RHPN2: variants seen among roughly 807,000 people sequenced by gnomAD.
RHPN2 encodes the protein rhophilin-2.
In RHPN2, 40 loss-of-function variants were observed where a neutral mutation model predicts 79.0. That is an observed-to-expected ratio of 0.51 (90% confidence interval 0.39 to 0.66). The LOEUF (loss-of-function observed/expected upper bound fraction) is 0.66. RHPN2 is among the 30% of genes least tolerant of loss of function. The pLI, the probability that RHPN2 is intolerant of heterozygous loss-of-function variation, is 0.00. For missense variants in RHPN2, 686 were observed against 883.5 expected (o/e 0.78, Z 2.83); for synonymous variants, 285 against 363.5 (o/e 0.78, Z 2.46).
At chr19:32,982,361 C>A (rs1481436102) in intron 14 of RHPN2, among the ~76,000 whole-genome samples, 2 of 151,974 alleles carry the variant, frequency 1.3e-5, no homozygotes, top group Non-Finnish European at 2.9e-5. Context: ...GAGCCCAGAT[C>A]ACGCCACTGC....
chr19:32,998,182 G>C (rs1280569670), intron 10 of RHPN2, among the ~76,000 whole-genome samples: 1 of 152,188 alleles, frequency 6.6e-6, no homozygotes, highest in African/African-American at 2.4e-5. Flanking sequence ...GGGATGCCAC[G>C]AGACGCACCT....
At position 32,980,003 on chromosome 19, in the gene RHPN2, C is replaced by A. The variant is rs142599475; in HGVS notation, c.2054G>T (p.Trp685Leu). Residue 685 changes from tryptophan to leucine, a missense_variant, in exon 15 of 15, where the codon TGG becomes TTG. Physicochemically the swap from Trp to Leu is moderately conservative, Grantham distance 61 (BLOSUM62 -2). Transcript: ENST00000254260. ...CATGTTTGTTTCCTCACATTAGTAC[C>A]AAGAACTGTCTGAGTTGAGAAGGCT... ...PFSLLNSDSS[W>L]Y The A allele has an allele frequency of 1.2e-6, 2 of 1,613,748 alleles. No individual in the cohort carries two copies. Among genetic ancestry groups the A allele is most frequent in the Non-Finnish European group, 8.5e-7 (1 of 1,179,854 alleles).
intron 1 of RHPN2, among the ~76,000 whole-genome samples, chr19:33,049,511 C>T (rs1366151861): frequency 1.3e-5 from 2 of 152,146 alleles, no homozygotes; most frequent in African/African-American, 4.8e-5. Flanking sequence ...ACCTGTGGGG[C>T]CAACTGAGCT....
chr19:33,035,780 C>G (rs1310657267), intron 2 of RHPN2, among the ~76,000 whole-genome samples: 1 of 152,032 alleles, frequency 6.6e-6, no homozygotes, highest in Non-Finnish European at 1.5e-5. Context: ...CCAGATATCC[C>G]GATATCTGGA....
chr19:32,997,327 T>C (rs1489706262), intron 10 of RHPN2, among the ~76,000 whole-genome samples: 2 of 152,202 alleles, frequency 1.3e-5, no homozygotes, highest in African/African-American at 4.8e-5. Context: ...CCCACATTCA[T>C]GGAGTTTACA....
chr19:33,036,351 T>C (rs1196244884), intron 2 of RHPN2, among the ~76,000 whole-genome samples: 1 of 151,596 alleles, frequency 6.6e-6, no homozygotes, highest in African/African-American at 2.4e-5. Context: ...AATTTGAAAA[T>C]GAAAATTAGC....
At chr19:33,000,546 T>C (rs1275320379) in intron 9 of RHPN2, among the ~76,000 whole-genome samples, 1 of 151,936 alleles carries the variant, frequency 6.6e-6, no homozygotes, top group Non-Finnish European at 1.5e-5. Context: ...CCCCACACGC[T>C]ACCTCCTCCA....
chr19:33,028,057 A>G (rs969148955), intron 2 of RHPN2, among the ~76,000 whole-genome samples: 19 of 152,196 alleles, frequency 1.2e-4, no homozygotes, highest in African/African-American at 4.6e-4. Context: ...AGATGGCACT[A>G]TCTTATATAT....
Position 33,011,818 on chromosome 19 carries a change from AC to A in RHPN2, c.469-16del. On this transcript the variant is annotated splice_polypyrimidine_tract_variant and intron_variant, in intron 5 of 14. Transcript: ENST00000254260. ...GTCCGACAAGCCTGCAAGGAAAAGA[AC>A]CCAAGAGGGCATGAGCAGAGGAGGA... 1 of 1,613,876 alleles carries A rather than the reference AC, an allele frequency of 6.2e-7. No individual in the cohort carries two copies. The highest frequency in any genetic ancestry group is 8.5e-7 in the Non-Finnish European group (1 of 1,179,832).
At chr19:33,027,310 C>A (rs1286218823) in intron 2 of RHPN2, 3 of 119,502 alleles carry the variant, frequency 2.5e-5, no homozygotes, top group Non-Finnish European at 3.6e-5. Context: ...AATCACAGTA[C>A]ATAAATAAAT....
chr19:33,045,075 T>TG (rs1235659759), intron 1 of RHPN2, among the ~76,000 whole-genome samples: 3 of 141,954 alleles, frequency 2.1e-5, no homozygotes, highest in African/African-American at 8.2e-5. Context: ...TTTTTGGAGA[T>TG]GGAGTCTCGC....
rs186351976 is a variant in RHPN2, at chr19:33,064,216, C to T, written c.69+568G>A. Among the ~76,000 whole-genome samples the T allele has an allele frequency of 4.3e-4, 65 of 152,306 alleles. 1 individual carries two copies. In the Middle Eastern group the frequency reaches 0.017, roughly 40 times the overall value. On this transcript the variant is annotated intron_variant, in intron 1 of 14. Coordinates refer to ENST00000254260, the MANE Select transcript of RHPN2 (RefSeq NM_033103.5). ...CGTGGCGAGGTGGCGCGCCTGCAGT[C>T]CCAGTTACTCGGGAGGCTGGGGCGG... is the stretch of plus-strand genomic sequence containing the variant.
chr19:32,985,410 C>T (rs1365444385), intron 14 of RHPN2, among the ~76,000 whole-genome samples: 4 of 152,106 alleles, frequency 2.6e-5, no homozygotes, highest in Admixed American at 6.6e-5. Flanking sequence ...GCAAGGTAGG[C>T]GGATTGCTTG....
At chr19:33,047,591 T>A (rs943295542) in intron 1 of RHPN2, among the ~76,000 whole-genome samples, 4 of 152,088 alleles carry the variant, frequency 2.6e-5, no homozygotes, top group African/African-American at 9.7e-5. Context: ...GAGACTGCCC[T>A]TTCTCTCTCC....
intron 6 of RHPN2, among the ~76,000 whole-genome samples, chr19:33,010,385 GT>G (rs34076809): frequency 0.25 from 34,759 of 140,420 alleles, 4,163 homozygotes; most frequent in Non-Finnish European, 0.28. Flanking sequence ...TTTTTAGGTT[GT>G]TTTTTTTTTT....
chr19:33,058,869 G>C (rs7255601), intron 1 of RHPN2, among the ~76,000 whole-genome samples: 26,198 of 151,994 alleles, frequency 0.17, 2,864 homozygotes, highest in South Asian at 0.33. Flanking sequence ...GGCCAAGGTG[G>C]GTGGATCACT....
intron 1 of RHPN2, among the ~76,000 whole-genome samples, chr19:33,057,406 G>A (rs1972242845): frequency 6.6e-6 from 1 of 151,914 alleles, no homozygotes; most frequent in Non-Finnish European, 1.5e-5. Context: ...TAATAGACCT[G>A]AGGCTGGGCA....
intron 2 of RHPN2, among the ~76,000 whole-genome samples, chr19:33,034,637 T>C (rs1205710535): frequency 6.8e-6 from 1 of 146,076 alleles, no homozygotes; most frequent in Non-Finnish European, 1.5e-5. Context: ...AAAAGTTAGC[T>C]GGGCATGGTG....
At chr19:33,035,469 G>T (rs1972048776) in intron 2 of RHPN2, among the ~76,000 whole-genome samples, 1 of 152,142 alleles carries the variant, frequency 6.6e-6, no homozygotes, top group African/African-American at 2.4e-5. Context: ...ACCTCTTTAG[G>T]TTGGTCACTT....
Sources: allele counts gnomAD v4.1 joint callset (sites outside exome capture counted in the v4.1 genomes callset), GRCh38; gene constraint gnomAD v4.1.1; transcripts MANE v1.5; gene names NCBI Gene and HGNC (gene_info 2026-07-23, HGNC 2026-07-21).